Variants in HS3ST5 observed in about 807,000 individuals in gnomAD.
The protein encoded by HS3ST5 is heparan sulfate-glucosamine 3-sulfotransferase 5.
In HS3ST5, 10 loss-of-function variants were observed where a neutral mutation model predicts 25.4. The ratio of observed to expected loss-of-function variants is 0.39; its 90% confidence interval spans 0.24 to 0.67. The LOEUF (loss-of-function observed/expected upper bound fraction) is 0.67. HS3ST5 is among the 30% of genes least tolerant of loss of function. HS3ST5 has a pLI of 0.44. For synonymous variants in HS3ST5, 170 were observed against 162.4 expected, an observed-to-expected ratio of 1.05 and a Z score of -0.36; for missense variants, 324 against 420.7, an observed-to-expected ratio of 0.77 and a Z score of 2.01.
intron 2 of HS3ST5, among the ~76,000 whole-genome samples, chr6:114,172,979 T>C (rs1000090820): frequency 6.6e-6 from 1 of 152,164 alleles, no homozygotes; most frequent in Non-Finnish European, 1.5e-5. Flanking sequence ...TATTAAAGGG[T>C]AAATGAAACT....
chr6:114,168,735 G>T (rs528416682), intron 2 of HS3ST5, among the ~76,000 whole-genome samples: 2 of 152,276 alleles, frequency 1.3e-5, no homozygotes, highest in East Asian at 3.9e-4. Context: ...AGGAAATGGG[G>T]AGCTACCCAC....
intron 1 of HS3ST5, among the ~76,000 whole-genome samples, chr6:114,241,694 A>G (rs1772135717): frequency 6.6e-6 from 1 of 152,186 alleles, no homozygotes; most frequent in African/African-American, 2.4e-5. Context: ...TTGAAAAGGT[A>G]TGTTGAAATG....
intron 1 of HS3ST5, among the ~76,000 whole-genome samples, chr6:114,244,335 G>T (rs1285306645): frequency 6.6e-6 from 1 of 152,102 alleles, no homozygotes; most frequent in Admixed American, 6.5e-5. Flanking sequence ...TGGCTAGAGT[G>T]GACAGAATGT....
At chr6:114,063,940 G>C (rs1237679758) in intron 3 of HS3ST5, among the ~76,000 whole-genome samples, 2 of 152,194 alleles carry the variant, frequency 1.3e-5, no homozygotes, top group African/African-American at 2.4e-5. Flanking sequence ...TTACCTGGAA[G>C]CTCTGTTCTC....
chr6:114,313,901 T>C (rs908460191), intron 1 of HS3ST5, among the ~76,000 whole-genome samples: 1 of 148,702 alleles, frequency 6.7e-6, no homozygotes, highest in African/African-American at 2.5e-5. Context: ...CTTCTTTAAC[T>C]AGATTGTTGG....
At chr6:114,323,321 T>C (rs1457440885) in intron 1 of HS3ST5, among the ~76,000 whole-genome samples, 1 of 152,150 alleles carries the variant, frequency 6.6e-6, no homozygotes, top group African/African-American at 2.4e-5. Context: ...GTAAAATTAT[T>C]AAAGGATTAA....
intron 3 of HS3ST5, among the ~76,000 whole-genome samples, chr6:114,086,827 T>C (rs1774863468): frequency 6.6e-6 from 1 of 152,190 alleles, no homozygotes; most frequent in South Asian, 2.1e-4. Flanking sequence ...CCTATGACTA[T>C]ACTATTAAAC....
At chr6:114,291,981 G>A (rs996987531) in intron 1 of HS3ST5, among the ~76,000 whole-genome samples, 1 of 152,044 alleles carries the variant, frequency 6.6e-6, no homozygotes, top group African/African-American at 2.4e-5. Flanking sequence ...AATCTCCATA[G>A]GACATAGACA....
At chr6:114,119,326 C>A (rs1776673476) in intron 3 of HS3ST5, among the ~76,000 whole-genome samples, 1 of 152,184 alleles carries the variant, frequency 6.6e-6, no homozygotes, top group Non-Finnish European at 1.5e-5. Context: ...TGATAGATGA[C>A]AGAACTTTTG....
intron 3 of HS3ST5, among the ~76,000 whole-genome samples, chr6:114,114,811 A>G (rs1467248111): frequency 2.6e-5 from 4 of 152,118 alleles, no homozygotes; most frequent in Non-Finnish European, 5.9e-5. Flanking sequence ...AATCGTATTG[A>G]TCAGTTGCTT....
intron 3 of HS3ST5, among the ~76,000 whole-genome samples, chr6:114,096,235 C>A (rs911263095): frequency 1.3e-5 from 2 of 152,128 alleles, no homozygotes; most frequent in African/African-American, 4.8e-5. Flanking sequence ...AAATCTTGAC[C>A]ATAAACTAGT....
At chr6:114,130,820 TGGCC>T (rs1777292811) in intron 3 of HS3ST5, among the ~76,000 whole-genome samples, 2 of 151,978 alleles carry the variant, frequency 1.3e-5, no homozygotes, top group South Asian at 4.2e-4. Flanking sequence ...CCGCCCACCT[TGGCC>T]TCCCAAAGTG....
intron 1 of HS3ST5, among the ~76,000 whole-genome samples, chr6:114,253,659 C>T (rs534824472): frequency 6.6e-6 from 1 of 152,242 alleles, no homozygotes; most frequent in African/African-American, 2.4e-5. Context: ...ACACTCAGCA[C>T]AATTAGAAGC....
intron 3 of HS3ST5, among the ~76,000 whole-genome samples, chr6:114,168,128 G>A (rs776044373): frequency 2.0e-5 from 3 of 152,014 alleles, no homozygotes; most frequent in Non-Finnish European, 4.4e-5. Context: ...TTTCATTGAC[G>A]GGGAAGGTTT....
chr6:114,105,075 T>TA (rs1775928878), intron 3 of HS3ST5, among the ~76,000 whole-genome samples: 3 of 152,120 alleles, frequency 2.0e-5, no homozygotes, highest in Admixed American at 1.3e-4. Context: ...AACCACTGAG[T>TA]AACCAGTGCC....
At chr6:114,318,549 CCTATTT>C (rs1278110301) in intron 1 of HS3ST5, among the ~76,000 whole-genome samples, 1 of 152,110 alleles carries the variant, frequency 6.6e-6, no homozygotes, top group African/African-American at 2.4e-5. Context: ...AGCATTATTT[CCTATTT>C]CTATGTACAA....
chr6:114,304,099 GTAT>G (rs1775194098), intron 1 of HS3ST5, among the ~76,000 whole-genome samples: 1 of 152,034 alleles, frequency 6.6e-6, no homozygotes, highest in East Asian at 1.9e-4. Flanking sequence ...GATGTCAGAA[GTAT>G]TTCTGACTGA....
At chr6:114,274,722 T>G (rs1480897298) in intron 1 of HS3ST5, among the ~76,000 whole-genome samples, 1 of 152,154 alleles carries the variant, frequency 6.6e-6, no homozygotes, top group South Asian at 2.1e-4. Flanking sequence ...ATGAGAAAGC[T>G]TGAAGACTTT....
chr6:114,161,052 A>T (rs918852811), intron 3 of HS3ST5, among the ~76,000 whole-genome samples: 15 of 152,122 alleles, frequency 9.9e-5, no homozygotes, highest in African/African-American at 3.6e-4. Flanking sequence ...AGGAGCTCAG[A>T]TTGTCTCTGG....
Sources: gnomAD v4.1 joint callset for allele counts (sites outside exome capture counted in the v4.1 genomes callset) on GRCh38, gnomAD v4.1.1 for gene constraint, MANE v1.5 for transcripts, NCBI Gene and HGNC (gene_info 2026-07-23, HGNC 2026-07-21) for gene names.